The following GRIK1 variants were observed in gnomAD, a reference collection of about 807,000 sequenced individuals.
The protein encoded by GRIK1 is glutamate receptor ionotropic, kainate 1.
GRIK1 carries 69 observed loss-of-function variants against 105.7 expected under a neutral mutation model. The observed-to-expected ratio is 0.65, with a 90% CI of 0.54 to 0.80. The LOEUF (loss-of-function observed/expected upper bound fraction) is 0.80. GRIK1 is among the 30% of genes least tolerant of loss of function. The pLI is 0.00. For missense variants in GRIK1, 1,109 were observed against 1,167.3 expected, an observed-to-expected ratio of 0.95 and a Z score of 0.73; for synonymous variants, 438 against 431.3, an observed-to-expected ratio of 1.02 and a Z score of -0.19.
chr21:29,649,904 T>C (rs945136081), intron 6 of GRIK1, among the ~76,000 whole-genome samples: 3 of 152,178 alleles, frequency 2.0e-5, no homozygotes, highest in East Asian at 1.9e-4. Context: ...TTTGAACTCA[T>C]TGAAATTATA....
intron 1 of GRIK1, among the ~76,000 whole-genome samples, chr21:29,771,063 A>T (rs1256602596): frequency 6.6e-6 from 1 of 152,242 alleles, no homozygotes; most frequent in Non-Finnish European, 1.5e-5. Flanking sequence ...ATATTTTATT[A>T]ACATGCTTCT....
At chr21:29,595,432 T>G (rs187391968) in intron 9 of GRIK1, among the ~76,000 whole-genome samples, 1 of 151,698 alleles carries the variant, frequency 6.6e-6, no homozygotes, top group East Asian at 1.9e-4. Context: ...GCCTTCTACA[T>G]GCACTTAGTA....
chr21:29,784,076 G>A (rs1393110089), intron 1 of GRIK1, among the ~76,000 whole-genome samples: 2 of 152,154 alleles, frequency 1.3e-5, no homozygotes, highest in Non-Finnish European at 2.9e-5. Context: ...GGGACTACAG[G>A]ACTGTTGTTT....
At chr21:29,886,450 A>G (rs553935845) in intron 1 of GRIK1, among the ~76,000 whole-genome samples, 1 of 152,294 alleles carries the variant, frequency 6.6e-6, no homozygotes, top group African/African-American at 2.4e-5. Context: ...AAGGCCCACC[A>G]GCACACTTCT....
intron 1 of GRIK1, among the ~76,000 whole-genome samples, chr21:29,851,052 A>T (rs2068287865): frequency 7.1e-6 from 1 of 141,078 alleles, no homozygotes; most frequent in Admixed American, 7.2e-5. Context: ...ACTAGAAATG[A>T]TTTCTTTTTT....
At chr21:29,935,032 C>A (rs1434728842) in intron 1 of GRIK1, among the ~76,000 whole-genome samples, 2 of 152,144 alleles carry the variant, frequency 1.3e-5, no homozygotes, top group African/African-American at 2.4e-5. Context: ...TTTGAAGACA[C>A]AGGTGCCTCT....
chr21:29,846,651 A>T (rs1019565975), intron 1 of GRIK1, among the ~76,000 whole-genome samples: 2 of 152,178 alleles, frequency 1.3e-5, no homozygotes, highest in Admixed American at 6.5e-5. Context: ...AGGACTTTGC[A>T]GTATTATGAC....
chr21:29,628,768 C>T (rs1468111864), intron 7 of GRIK1, among the ~76,000 whole-genome samples: 1 of 152,166 alleles, frequency 6.6e-6, no homozygotes, highest in Non-Finnish European at 1.5e-5. Context: ...ACCCAAAAAT[C>T]AGATTAGTCA....
chr21:29,632,218 C>T (rs913831191), intron 7 of GRIK1, among the ~76,000 whole-genome samples: 1 of 152,080 alleles, frequency 6.6e-6, no homozygotes. Context: ...GTATGCCCTT[C>T]CCTCTTCTGA....
intron 1 of GRIK1, among the ~76,000 whole-genome samples, chr21:29,848,206 T>C (rs975549356): frequency 3.3e-5 from 5 of 152,206 alleles, no homozygotes; most frequent in African/African-American, 1.2e-4. Context: ...TCAATGTGGA[T>C]ATCTAGAGAT....
intron 1 of GRIK1, among the ~76,000 whole-genome samples, chr21:29,906,254 T>G (rs1327629961): frequency 1.3e-5 from 2 of 152,210 alleles, no homozygotes; most frequent in Non-Finnish European, 2.9e-5. Flanking sequence ...TTTGTTCTAA[T>G]GAAATGTAAT....
chr21:29,699,622 C>T (rs984709532), intron 1 of GRIK1, among the ~76,000 whole-genome samples: 2 of 151,686 alleles, frequency 1.3e-5, no homozygotes, highest in African/African-American at 4.8e-5. Context: ...TTACAGCAAA[C>T]CTAGCATAGA....
chr21:29,553,775 A>G, intron 16 of GRIK1: 1 of 1,092,214 alleles, frequency 9.2e-7, no homozygotes, highest in East Asian at 2.4e-5. Context: ...GAATGTTTAA[A>G]TGAAAATTTA....
In GRIK1 at chr21:29,561,730, C is replaced by T. The variant is rs1406301378; in HGVS notation, c.2250G>A (p.Leu750=). The change falls in exon 15 of 18, where the codon CTG becomes CTA. Residue 750 remains leucine, a synonymous_variant. Transcript: ENST00000327783. ...ACTCAATGCTGGTGGACTCCATCAG[C>T]AGCGCGTAGTCTGTGGTGAGCACTC... The part of the protein sequence containing the change: ...IQRVLTTDYA[L]LMESTSIEYV... 6.2e-7 allele frequency: 1 copy of T among 1,613,886 alleles called. No individual in the cohort carries two copies. The highest frequency in any genetic ancestry group is 1.3e-5 in the African/African-American group (1 of 74,888).
chr21:29,622,981 G>C (rs954837501), intron 7 of GRIK1, among the ~76,000 whole-genome samples: 1 of 152,132 alleles, frequency 6.6e-6, no homozygotes, highest in Non-Finnish European at 1.5e-5. Flanking sequence ...TCATAAGAAG[G>C]AGGATGATGG....
intron 1 of GRIK1, among the ~76,000 whole-genome samples, chr21:29,913,984 G>A (rs2070908673): frequency 6.6e-6 from 1 of 151,798 alleles, no homozygotes; most frequent in Non-Finnish European, 1.5e-5. Context: ...TTTTGTTCTG[G>A]CACACTGTGT....
At chr21:29,635,833 G>T (rs1417840325) in intron 7 of GRIK1, among the ~76,000 whole-genome samples, 1 of 152,156 alleles carries the variant, frequency 6.6e-6, no homozygotes, top group Admixed American at 6.6e-5. Context: ...GTGTACTGCT[G>T]GATGTCAAGA....
Position 29,539,980 on chromosome 21 carries a change from C to T in GRIK1, c.2608-2096G>A, listed in dbSNP as rs145446069. Among the ~76,000 whole-genome samples, 4 of 152,206 alleles carry T rather than the reference C, an allele frequency of 2.6e-5. No individual in the cohort carries two copies. In the East Asian group the frequency reaches 7.7e-4, roughly 29 times the overall value. On this transcript the variant is annotated intron_variant, in intron 16 of 17. Coordinates refer to ENST00000327783, the MANE Select transcript of GRIK1 (RefSeq NM_001330994.2). The stretch of plus-strand genomic sequence containing the variant: ...AGCTTTTTGTGAATTTTCCCAAAAA[C>T]CATTATGTTAAGAAATTCCAATCTT...
chr21:29,558,585 T>A (rs908228451), intron 15 of GRIK1, among the ~76,000 whole-genome samples: 4 of 151,710 alleles, frequency 2.6e-5, no homozygotes, highest in Non-Finnish European at 4.4e-5. Flanking sequence ...CTGTGAAAAA[T>A]TCCTGGAGTG....
Sources: gnomAD v4.1 joint callset for allele counts (sites outside exome capture counted in the v4.1 genomes callset) on GRCh38, gnomAD v4.1.1 for gene constraint, MANE v1.5 for transcripts, NCBI Gene and HGNC (gene_info 2026-07-23, HGNC 2026-07-21) for gene names.